PDE4A: variants seen among roughly 807,000 people sequenced by gnomAD.
PDE4A encodes the protein phosphodiesterase 4A, also known as 3',5'-cyclic-AMP phosphodiesterase 4A.
A neutral mutation model predicts 73.9 loss-of-function variants in PDE4A; 21 were observed. That is an observed-to-expected ratio of 0.28 (90% CI 0.20 to 0.41). The LOEUF (loss-of-function observed/expected upper bound fraction) is 0.41, where lower values mean the gene tolerates loss of function less well. PDE4A is among the 10% of genes least tolerant of loss of function. PDE4A has a pLI of 1.00. For missense variants in PDE4A, 958 were observed against 1,211.4 expected (o/e 0.79, Z 3.10); for synonymous variants, 463 against 505.4 (o/e 0.92, Z 1.13).
At chr19:10,433,107 C>T (rs773624478) in intron 1 of PDE4A, among the ~76,000 whole-genome samples, 2 of 152,158 alleles carry the variant, frequency 1.3e-5, no homozygotes, top group East Asian at 1.9e-4. Context: ...TCTCAGAATT[C>T]TCAGGGGTTT....
chr19:10,428,365 AG>A (rs1462758451), intron 1 of PDE4A, among the ~76,000 whole-genome samples: 9 of 144,428 alleles, frequency 6.2e-5, no homozygotes, highest in Non-Finnish European at 1.2e-4. Context: ...CTCGAGAGAG[AG>A]AGAGAGAGAG....
upstream of PDE4A, chr19:10,418,821 C>G (rs1048517433): frequency 1.0e-6 from 1 of 985,134 alleles, no homozygotes; most frequent in African/African-American, 1.7e-5. Context: ...TTTGGCCCAG[C>G]CCAGGACTCT....
intron 1 of PDE4A, chr19:10,423,093 T>C: frequency 1.0e-6 from 1 of 984,644 alleles, no homozygotes; most frequent in Non-Finnish European, 1.2e-6. Flanking sequence ...GTGCCCTGGG[T>C]ATTCCAGCAG....
chr19:10,443,442 G>A (rs2042964166), intron 1 of PDE4A, among the ~76,000 whole-genome samples: 1 of 152,040 alleles, frequency 6.6e-6, no homozygotes, highest in Non-Finnish European at 1.5e-5. Context: ...CTGCTTGGGA[G>A]GCTGAGGTGG....
chr19:10,460,221 A>G (rs895165098), intron 10 of PDE4A, among the ~76,000 whole-genome samples: 3 of 151,066 alleles, frequency 2.0e-5, no homozygotes, highest in African/African-American at 7.3e-5. Flanking sequence ...GTTTTAGTCC[A>G]GGTGCGGTGG....
upstream of PDE4A, chr19:10,418,586 C>A: frequency 6.1e-6 from 1 of 164,164 alleles, no homozygotes; most frequent in Non-Finnish European, 1.3e-5. Context: ...ATAGGGAGAG[C>A]AAGTGACTGT....
chr19:10,423,132 G>A (rs1056976038), intron 1 of PDE4A: 19 of 982,020 alleles, frequency 1.9e-5, no homozygotes, highest in East Asian at 2.3e-4. Flanking sequence ...TGGAGAAACT[G>A]GAGCCCAGAG....
chr19:10,436,964 G>A (rs529464298), intron 1 of PDE4A, among the ~76,000 whole-genome samples: 3 of 152,094 alleles, frequency 2.0e-5, no homozygotes, highest in South Asian at 2.1e-4. Context: ...GCTTGAGCCC[G>A]GCAGCAGAGG....
chr19:10,454,991 G>A (rs1230004080), intron 7 of PDE4A, 69 bp downstream of exon 7: 24 of 1,465,480 alleles, frequency 1.6e-5, no homozygotes, highest in Admixed American at 1.6e-4. Context: ...GCCCCTGACC[G>A]TGGGTCCTGT....
intron 2 of PDE4A, 110 bp from the exon 3 acceptor site, chr19:10,448,807 C>T: frequency 6.4e-7 from 1 of 1,558,944 alleles, no homozygotes; most frequent in Middle Eastern, 2.1e-4. Context: ...CTAGGTCCCA[C>T]AGAGTCCCCT....
At chr19:10,461,336 G>A (rs1457286800) in intron 11 of PDE4A, 190 bp from the exon 12 acceptor site, 2 of 922,796 alleles carry the variant, frequency 2.2e-6, no homozygotes, top group African/African-American at 3.7e-5. Flanking sequence ...GGATGAACGG[G>A]CAGGAGGCGG....
In PDE4A at chr19:10,459,410, A is replaced by G. The variant is rs2043223068; in HGVS notation, c.1112A>G (p.Asn371Ser). ...QEELLAQELE[N>S]LNKWGLNIFC... ...CTCCGTCTCCACCAGGAACTGGAGAACCTGAACAAGTGGGGCCTGAACATC... is the reference window on the plus strand; with the variant it reads ...CTCCGTCTCCACCAGGAACTGGAGAGCCTGAACAAGTGGGGCCTGAACATC... The change falls in exon 9 of 15, where the codon AAC becomes AGC. Residue 371 changes from asparagine to serine, a missense_variant. Physicochemically the swap from Asn to Ser is conservative, Grantham distance 46. Transcript: ENST00000380702. The G allele has an allele frequency of 6.2e-7, 1 of 1,614,050 alleles. No individual in the cohort carries two copies. Among genetic ancestry groups the G allele is most frequent in the African/African-American group, 1.3e-5 (1 of 74,924 alleles).
chr19:10,452,020 G>GGTGTGT (rs58194674), intron 6 of PDE4A, among the ~76,000 whole-genome samples: 1,542 of 140,156 alleles, frequency 0.011, 12 homozygotes, highest in African/African-American at 0.02. Flanking sequence ...TTTCTGCAAT[G>GGTGTGT]GTGTGTGTGT....
chr19:10,455,069 C>A, intron 7 of PDE4A, 147 bp downstream of exon 7: 1 of 721,910 alleles, frequency 1.4e-6, no homozygotes, highest in Non-Finnish European at 2.3e-6. Flanking sequence ...ATCCAGGAAC[C>A]CTCATGTTCC....
At chr19:10,435,476 G>T (rs575644951) in intron 1 of PDE4A, among the ~76,000 whole-genome samples, 3 of 151,752 alleles carry the variant, frequency 2.0e-5, no homozygotes, top group Admixed American at 2.0e-4. Flanking sequence ...TGGGAGGATC[G>T]CTTGAGCCTG....
intron 1 of PDE4A, chr19:10,428,780 C>T: frequency 2.0e-6 from 2 of 985,400 alleles, no homozygotes; most frequent in Non-Finnish European, 2.4e-6. Flanking sequence ...ACTCTGGGCC[C>T]CATGGCATCA....
intron 1 of PDE4A, among the ~76,000 whole-genome samples, chr19:10,423,883 GC>G (rs1381563577): frequency 5.9e-5 from 9 of 152,260 alleles, no homozygotes; most frequent in Non-Finnish European, 5.9e-5. Flanking sequence ...GCTGTAGCTG[GC>G]ATCAGTGCCA....
At chr19:10,428,339 CAG>C (rs2042743578) in intron 1 of PDE4A, among the ~76,000 whole-genome samples, 1 of 146,136 alleles carries the variant, frequency 6.8e-6, no homozygotes, top group South Asian at 2.2e-4. Flanking sequence ...GCCTCGATGA[CAG>C]AGTGAGATCC....
At chr19:10,419,745 G>C (rs62130735), upstream of PDE4A, 6 of 152,624 alleles carry the variant, frequency 3.9e-5, no homozygotes, top group Non-Finnish European at 8.8e-5. Context: ...GCCGAATCGC[G>C]TGCACAACTC....
Sources: allele counts gnomAD v4.1 joint callset (sites outside exome capture counted in the v4.1 genomes callset), GRCh38; gene constraint gnomAD v4.1.1; transcripts MANE v1.5; gene names NCBI Gene and HGNC (gene_info 2026-07-23, HGNC 2026-07-21).